Variants in KMT2C observed in about 807,000 individuals in gnomAD.
KMT2C encodes the protein lysine methyltransferase 2C.
KMT2C carries 88 observed loss-of-function variants against 507.9 expected under a neutral mutation model. That is an observed-to-expected ratio of 0.17 (90% CI 0.15 to 0.21). The LOEUF (loss-of-function observed/expected upper bound fraction) is 0.21, where lower values mean the gene tolerates loss of function less well. Among genes scored for constraint, KMT2C ranks in the 10% least tolerant of loss-of-function variants. KMT2C has a pLI of 1.00. For missense variants in KMT2C, 4,954 were observed against 5,957.8 expected (o/e 0.83, Z 5.55); for synonymous variants, 2,049 against 2,080.8 (o/e 0.98, Z 0.42).
chr7:152,257,504 AAAAG>A (rs1343046255), intron 9 of KMT2C, among the ~76,000 whole-genome samples: 11 of 152,172 alleles, frequency 7.2e-5, no homozygotes, highest in Non-Finnish European at 1.5e-4. Flanking sequence ...AATCACTAAG[AAAAG>A]AAAGGGGAAT....
intron 1 of KMT2C, among the ~76,000 whole-genome samples, chr7:152,359,018 G>T (rs2097174443): frequency 6.6e-6 from 1 of 151,878 alleles, no homozygotes; most frequent in South Asian, 2.1e-4. Context: ...CTACATAATG[G>T]GTTCTTCACA....
At chr7:152,413,683 G>A (rs1564168553) in intron 1 of KMT2C, among the ~76,000 whole-genome samples, 2 of 151,856 alleles carry the variant, frequency 1.3e-5, no homozygotes, top group African/African-American at 2.4e-5. Flanking sequence ...TCAGGAGTTC[G>A]AGACCAGCCT....
In KMT2C at chr7:152,356,204, C is replaced by T. The variant is rs117321778; in HGVS notation, c.250+2383G>A. Among the ~76,000 whole-genome samples, 171 of 152,178 alleles carry T rather than the reference C, an allele frequency of 1.1e-3. 1 individual carries two copies. The East Asian group carries it at 0.019, about 17-fold the overall frequency. On this transcript the variant is annotated intron_variant, in intron 2 of 58. Coordinates refer to ENST00000262189, the MANE Select transcript of KMT2C (RefSeq NM_170606.3). Reference sequence around the variant, plus strand: ...ATTTTTTCACTGAAATAAGCAAGATCATCACTAAAGAATCAAAAATGAGAA... The same window carrying T: ...ATTTTTTCACTGAAATAAGCAAGATTATCACTAAAGAATCAAAAATGAGAA...
At chr7:152,418,006 G>A in intron 1 of KMT2C, among the ~76,000 whole-genome samples, 1 of 148,392 alleles carries the variant, frequency 6.7e-6, no homozygotes, top group Non-Finnish European at 1.5e-5. Context: ...AGGCTGGAGT[G>A]AAGTGGCACA....
chr7:152,239,581 C>T (rs1468454796), intron 14 of KMT2C, among the ~76,000 whole-genome samples: 1 of 152,154 alleles, frequency 6.6e-6, no homozygotes, highest in African/African-American at 2.4e-5. Context: ...AAAGTAGTAT[C>T]TTATTAAAAT....
At chr7:152,221,565 G>A (rs1367531243) in intron 22 of KMT2C, among the ~76,000 whole-genome samples, 2 of 152,084 alleles carry the variant, frequency 1.3e-5, no homozygotes, top group South Asian at 2.1e-4. Context: ...TGTATCAGGT[G>A]CTATTAAATA....
chr7:152,227,379 T>C (rs527615044), intron 18 of KMT2C, among the ~76,000 whole-genome samples: 66 of 152,360 alleles, frequency 4.3e-4, no homozygotes, highest in African/African-American at 1.5e-3. Flanking sequence ...AGATATGTTT[T>C]ATAATCTAAT....
chr7:152,150,257 G>T (rs930611602), intron 51 of KMT2C, among the ~76,000 whole-genome samples: 6 of 152,164 alleles, frequency 3.9e-5, no homozygotes, highest in African/African-American at 1.4e-4. Context: ...TGCACAAATA[G>T]TCTTAAATTT....
chr7:152,252,163 T>C, intron 10 of KMT2C, 73 bp from the exon 11 acceptor site: 1 of 1,089,620 alleles, frequency 9.2e-7, no homozygotes, highest in Non-Finnish European at 1.3e-6. Flanking sequence ...AAGGCATTGC[T>C]GAAAAGCTGG....
chr7:152,222,720 G>T lies in KMT2C; in HGVS notation c.3324-38C>A, dbSNP rs1206074317. ...TATTTGTACATTTTTTTTAAAAAATGGAATATACTGAGAACTGCTACCTTT... is the reference window on the plus strand; with the variant it reads ...TATTTGTACATTTTTTTTAAAAAATTGAATATACTGAGAACTGCTACCTTT... On this transcript the variant is annotated intron_variant, in intron 20 of 58. Coordinates refer to ENST00000262189, the MANE Select transcript of KMT2C (RefSeq NM_170606.3). 4 of 1,172,628 alleles carry T rather than the reference G, an allele frequency of 3.4e-6. No individual in the cohort carries two copies. In the African/African-American group the frequency reaches 4.6e-5, roughly 13 times the overall value. 72.6% of individuals were successfully genotyped at this position (1,172,628 alleles called of 1,614,324 possible).
chr7:152,356,387 A>G (rs2097151671), intron 2 of KMT2C, among the ~76,000 whole-genome samples: 2 of 151,752 alleles, frequency 1.3e-5, no homozygotes, highest in South Asian at 4.2e-4. Context: ...CCAGCCTGGC[A>G]AACACTGGGA....
intron 6 of KMT2C, among the ~76,000 whole-genome samples, chr7:152,289,077 C>T (rs4341080): frequency 2.0e-5 from 3 of 152,058 alleles, no homozygotes; most frequent in Non-Finnish European, 4.4e-5. Context: ...GAAGGATTCT[C>T]AGAACATCCT....
At chr7:152,166,724 A>G (rs1029517182) in intron 42 of KMT2C, among the ~76,000 whole-genome samples, 3 of 152,148 alleles carry the variant, frequency 2.0e-5, no homozygotes, top group South Asian at 4.1e-4. Context: ...TGGGCCCCCA[A>G]TTCTTATTCC....
chr7:152,374,621 G>A (rs932750221), intron 1 of KMT2C, among the ~76,000 whole-genome samples: 1 of 151,954 alleles, frequency 6.6e-6, no homozygotes, highest in Admixed American at 6.6e-5. Context: ...CAATCAGGCC[G>A]GGTGTGCTGG....
chr7:152,340,848 G>A (rs2096984919), intron 2 of KMT2C, among the ~76,000 whole-genome samples: 1 of 151,976 alleles, frequency 6.6e-6, no homozygotes. Context: ...CAAAAAATAT[G>A]CGGGCATTAA....
At chr7:152,422,063 C>A (rs572144680) in intron 1 of KMT2C, among the ~76,000 whole-genome samples, 1 of 152,204 alleles carries the variant, frequency 6.6e-6, no homozygotes, top group East Asian at 1.9e-4. Flanking sequence ...AAAAGCACAG[C>A]GTTAGCATAT....
rs1344966472 is a variant in KMT2C, at chr7:152,181,308, A to G, written c.6552T>C (p.Ser2184=). Residue 2184 remains serine (S), a synonymous_variant, in exon 36 of 59, where the codon TCT becomes TCC. Transcript: ENST00000262189. ...YSQQPQTPRP[S]TQTDLFVTPV... ...GTGTAACAAACAAGTCAGTTTGTGT[A>G]GATGGTCTTGGGGTTTGGGGCTGCT... The G allele has an allele frequency of 6.2e-7, 1 of 1,613,894 alleles. No individual in the cohort carries two copies. Among genetic ancestry groups the G allele is most frequent in the Non-Finnish European group, 8.5e-7 (1 of 1,180,006 alleles).
chr7:152,220,183 C>T (rs1453585615), intron 23 of KMT2C: 2 of 255,552 alleles, frequency 7.8e-6, no homozygotes, highest in Admixed American at 9.9e-5. Flanking sequence ...TTAACTGAAA[C>T]ATGGTATTAT....
chr7:152,272,556 C>T (rs913767462), intron 7 of KMT2C, among the ~76,000 whole-genome samples: 6 of 152,042 alleles, frequency 3.9e-5, no homozygotes, highest in African/African-American at 1.4e-4. Context: ...AAATAGTAGC[C>T]GTAACAGTTG....
Sources: gnomAD v4.1 joint callset for allele counts (sites outside exome capture counted in the v4.1 genomes callset) on GRCh38, gnomAD v4.1.1 for gene constraint, MANE v1.5 for transcripts, NCBI Gene and HGNC (gene_info 2026-07-23, HGNC 2026-07-21) for gene names.